Variants in PTBP3 observed in about 807,000 individuals in gnomAD.
PTBP3 encodes polypyrimidine tract binding protein 3, also known as polypyrimidine tract-binding protein 3.
PTBP3 carries 20 observed loss-of-function variants against 58.7 expected under a neutral mutation model. That is an observed-to-expected ratio of 0.34 (90% CI 0.24 to 0.50). The LOEUF (loss-of-function observed/expected upper bound fraction) is 0.50, where lower values mean the gene tolerates loss of function less well. Among genes scored for constraint, PTBP3 ranks in the 20% least tolerant of loss-of-function variants. PTBP3 has a pLI of 0.98. For missense variants in PTBP3, 509 were observed against 637.2 expected (o/e 0.80, Z 2.17); for synonymous variants, 185 against 219.8 (o/e 0.84, Z 1.40).
At chr9:112,260,985 T>C (rs1332300456) in intron 5 of PTBP3, among the ~76,000 whole-genome samples, 1 of 152,224 alleles carries the variant, frequency 6.6e-6, no homozygotes, top group East Asian at 1.9e-4. Context: ...TAGCTAAACT[T>C]GCTGCTGGCT....
chr9:112,314,675 C>CA (rs1310616670), intron 1 of PTBP3, among the ~76,000 whole-genome samples: 3 of 151,720 alleles, frequency 2.0e-5, no homozygotes, highest in African/African-American at 2.4e-5. Context: ...CAAAACAAAA[C>CA]AAAAAAACAA....
intron 1 of PTBP3, among the ~76,000 whole-genome samples, chr9:112,332,479 G>C (rs1054646571): frequency 6.6e-6 from 1 of 152,030 alleles, no homozygotes; most frequent in African/African-American, 2.4e-5. Context: ...CAGAAATCTT[G>C]TCATCAAAAG....
At chr9:112,320,291 A>AAAAAATATATATATATATATATAT (rs1411646280) in intron 1 of PTBP3, among the ~76,000 whole-genome samples, 7 of 73,528 alleles carry the variant, frequency 9.5e-5, no homozygotes, top group African/African-American at 2.7e-4. Flanking sequence ...AAAAAAAAAA[A>AAAAAATATATATATATATATATAT]ATATATATAT....
At chr9:112,279,031 C>A (rs943645971) in intron 2 of PTBP3, among the ~76,000 whole-genome samples, 2 of 151,960 alleles carry the variant, frequency 1.3e-5, no homozygotes, top group African/African-American at 2.4e-5. Flanking sequence ...ATTAACTGAA[C>A]ATATTATTAC....
intron 7 of PTBP3, among the ~76,000 whole-genome samples, chr9:112,239,417 T>C (rs1421189077): frequency 1.3e-5 from 2 of 152,080 alleles, no homozygotes; most frequent in Non-Finnish European, 2.9e-5. Flanking sequence ...TTGTATGGCA[T>C]GTAAGGTGAC....
At chr9:112,249,090 T>A (rs1564404230) in intron 7 of PTBP3, among the ~76,000 whole-genome samples, 1 of 152,100 alleles carries the variant, frequency 6.6e-6, no homozygotes. Flanking sequence ...TTGAATGCTT[T>A]AAAAAATTTT....
the PTBP3 span, among the ~76,000 whole-genome samples, chr9:112,368,796 G>A: frequency 4.2e-4 from 64 of 152,182 alleles, no homozygotes; most frequent in African/African-American, 1.4e-3. Flanking sequence ...TCAAGACAAC[G>A]GGGGAAAATG....
chr9:112,348,825 C>CTT, the PTBP3 span, among the ~76,000 whole-genome samples: 2 of 152,146 alleles, frequency 1.3e-5, no homozygotes, highest in Non-Finnish European at 2.9e-5. Context: ...AATACCACCC[C>CTT]CCCTCCCAGA....
At position 112,261,044 on chromosome 9, in the gene PTBP3, T is replaced by C. The variant is rs141420652; in HGVS notation, c.516+1391A>G. 2.7e-4 allele frequency among the ~76,000 whole-genome samples: 41 copies of C among 152,216 alleles called. 1 individual carries two copies. The East Asian group carries it at 4.8e-3, about 18-fold the overall frequency. ...ATAAGAACATCTTTTATAAAAGCAA[T>C]AGCTACAATGTTACAGTAGCAACCC... is the stretch of plus-strand genomic sequence containing the variant. On this transcript the variant is annotated intron_variant, in intron 5 of 13. Coordinates refer to ENST00000374257, the MANE Select transcript of PTBP3 (RefSeq NM_001163788.4).
chr9:112,359,928 G>A, the PTBP3 span, among the ~76,000 whole-genome samples: 3 of 151,942 alleles, frequency 2.0e-5, no homozygotes, highest in Non-Finnish European at 4.4e-5. Flanking sequence ...AGATTTCAAA[G>A]TCTTAGACAC....
At chr9:112,364,690 GAC>G in the PTBP3 span, among the ~76,000 whole-genome samples, 2 of 152,156 alleles carry the variant, frequency 1.3e-5, no homozygotes, top group Non-Finnish European at 2.9e-5. Flanking sequence ...AGGAAAATAT[GAC>G]AGAGACACAA....
chr9:112,308,361 A>C lies in PTBP3; in HGVS notation c.-51-10445T>G, dbSNP rs1265002767. ...CCTACTCCTTTTATTTAAAAAAAAA[A>C]AAAAAAAAAAAAAAAAAAAACTTTT... On this transcript the variant is annotated intron_variant, in intron 1 of 13. Transcript: ENST00000374257. Among the ~76,000 whole-genome samples the C allele has an allele frequency of 3.3e-3, 493 of 148,122 alleles. 2 individuals carry two copies. Among genetic ancestry groups the C allele is most frequent in the East Asian group, 0.014 (69 of 5,092 alleles).
intron 5 of PTBP3, among the ~76,000 whole-genome samples, chr9:112,261,792 A>G (rs1399893646): frequency 6.6e-6 from 1 of 152,220 alleles, no homozygotes; most frequent in Non-Finnish European, 1.5e-5. Flanking sequence ...TACATCAGGA[A>G]GCTTCAATTC....
chr9:112,302,372 T>C (rs1051546181), intron 1 of PTBP3, among the ~76,000 whole-genome samples: 5 of 151,902 alleles, frequency 3.3e-5, no homozygotes, highest in Non-Finnish European at 7.4e-5. Flanking sequence ...CGCAAACACC[T>C]TTCTACCATC....
At chr9:112,287,945 G>A (rs1177197550) in intron 2 of PTBP3, among the ~76,000 whole-genome samples, 1 of 151,478 alleles carries the variant, frequency 6.6e-6, no homozygotes, top group African/African-American at 2.4e-5. Context: ...ACATTTTTTT[G>A]GTTCTTAACA....
intron 1 of PTBP3, chr9:112,332,961 G>C: frequency 7.0e-7 from 1 of 1,437,064 alleles, no homozygotes. Context: ...ACCATGGCTT[G>C]CGACCAGGTC....
chr9:112,370,281 C>T, the PTBP3 span, among the ~76,000 whole-genome samples: 18 of 152,156 alleles, frequency 1.2e-4, no homozygotes, highest in Non-Finnish European at 2.2e-4. Context: ...ATGGCTCATG[C>T]CTGTAATCCC....
chr9:112,368,924 C>A, the PTBP3 span, among the ~76,000 whole-genome samples: 1 of 152,234 alleles, frequency 6.6e-6, no homozygotes, highest in African/African-American at 2.4e-5. Context: ...GTGCCCTGTG[C>A]CCCAGCCATG....
intron 3 of PTBP3, among the ~76,000 whole-genome samples, chr9:112,273,195 C>A (rs1265888802): frequency 6.6e-6 from 1 of 152,102 alleles, no homozygotes; most frequent in African/African-American, 2.4e-5. Context: ...AAATAAAACT[C>A]CCCAAATAAA....
Sources: allele counts gnomAD v4.1 joint callset (sites outside exome capture counted in the v4.1 genomes callset), GRCh38; gene constraint gnomAD v4.1.1; transcripts MANE v1.5; gene names NCBI Gene and HGNC (gene_info 2026-07-23, HGNC 2026-07-21).